Variants in RANGAP1 observed in about 807,000 individuals in gnomAD.
RANGAP1 encodes the protein Ran GTPase activating protein 1, also known as ran GTPase-activating protein 1.
RANGAP1 carries 38 observed loss-of-function variants against 63.5 expected under a neutral mutation model. That is an observed-to-expected ratio of 0.60 (90% CI 0.46 to 0.78). The LOEUF is 0.78. RANGAP1 is among the 30% of genes least tolerant of loss of function. RANGAP1 has a pLI of 0.00. For missense variants in RANGAP1, 630 were observed against 740.3 expected (o/e 0.85, Z 1.73); for synonymous variants, 329 against 310.5 (o/e 1.06, Z -0.63).
chr22:41,277,518 G>A (rs1349041876), intron 2 of RANGAP1: 1 of 1,195,416 alleles, frequency 8.4e-7, no homozygotes, highest in South Asian at 1.3e-5. Context: ...ATGGAGTAGG[G>A]TGACATGTGG....
At chr22:41,284,988 G>C (rs931592652) in intron 1 of RANGAP1, 1 of 152,068 alleles carries the variant, frequency 6.6e-6, no homozygotes, top group African/African-American at 2.4e-5. Flanking sequence ...ATGAGACCCT[G>C]TCTCCACAGA....
At chr22:41,273,391 C>T (rs1056033911) in intron 3 of RANGAP1, among the ~76,000 whole-genome samples, 3 of 152,160 alleles carry the variant, frequency 2.0e-5, no homozygotes, top group Non-Finnish European at 4.4e-5. Flanking sequence ...TTTAGGAGAA[C>T]CTGTTTGGGG....
At chr22:41,267,911 G>A (rs1344982970) in intron 4 of RANGAP1, among the ~76,000 whole-genome samples, 186 bp downstream of exon 4, 1 of 152,136 alleles carries the variant, frequency 6.6e-6, no homozygotes, top group African/African-American at 2.4e-5. Flanking sequence ...GTCAGTCTCT[G>A]TGCTCCCACC....
At chr22:41,247,447 G>A (rs945715284) in intron 15 of RANGAP1, among the ~76,000 whole-genome samples, 22 of 151,980 alleles carry the variant, frequency 1.4e-4, no homozygotes, top group Non-Finnish European at 3.1e-4. Context: ...GACTTCCCAG[G>A]CTCAGGTGGT....
intron 4 of RANGAP1, 52 bp from the exon 5 acceptor site, chr22:41,264,895 T>TGGGTGCTGCTTCTGTGCC: frequency 6.5e-7 from 1 of 1,549,324 alleles, no homozygotes; most frequent in Non-Finnish European, 8.8e-7. Context: ...GCTTCTGTGC[T>TGGGTGCTGCTTCTGTGCC]GGGTGCTGCT....
Position 41,252,972 on chromosome 22 carries a change from G to A in RANGAP1, c.1280C>T (p.Ser427Phe), listed in dbSNP as rs763589677. 2.0e-6 allele frequency: 3 copies of A among 1,523,208 alleles called. No homozygotes were observed. The Admixed American group carries it at 6.8e-5, about 34-fold the overall frequency. The allele number at this position is 1,523,208 out of a possible 1,614,324, so 94.4% of individuals were successfully genotyped here. The stretch of plus-strand genomic sequence containing the variant: ...GGAGACGTCTGCAGGAGGTGGGGAG[G>A]ACAGCACGGGAGCTGGCTCCTGGGA... Reference protein sequence around the residue: ...PNTGEPAPVLSSPPPADVSTF... With the variant: ...PNTGEPAPVLFSPPPADVSTF... Residue 427 changes from serine to phenylalanine, a missense_variant, in exon 12 of 16, where the codon TCC (serine) becomes TTC (phenylalanine). Ser to Phe is a radical substitution (Grantham distance 155). This residue lies in a region of RANGAP1 where 428 missense variants were observed against 465.5 expected (regional missense o/e 0.92). Coordinates refer to ENST00000356244, the MANE Select transcript of RANGAP1 (RefSeq NM_002883.4).
At position 41,246,019 on chromosome 22, in the gene RANGAP1, C is replaced by A. The variant is rs1334805012; in HGVS notation, c.*584G>T. 6.5e-6 allele frequency: 1 copy of A among 153,642 alleles called. No individual in the cohort carries two copies. The highest frequency in any genetic ancestry group is 1.4e-5 in the Non-Finnish European group (1 of 69,150). The allele number at this position is 153,642 out of a possible 1,614,324, so 9.5% of individuals were successfully genotyped here. A position where few individuals can be genotyped will look rare whatever the true frequency, so the allele number is the denominator to read the frequency against. ...GGGTTGCCCTCTGCCAACAACCCCA[C>A]GATCCGACCCCCACAGTCCCACCCA... On this transcript the variant is annotated 3_prime_UTR_variant, in exon 16 of 16. Coordinates refer to ENST00000356244, the MANE Select transcript of RANGAP1 (RefSeq NM_002883.4).
intron 1 of RANGAP1, among the ~76,000 whole-genome samples, chr22:41,283,104 G>T (rs569088723): frequency 6.6e-6 from 1 of 151,928 alleles, no homozygotes; most frequent in South Asian, 2.1e-4. Flanking sequence ...TTACTACTGT[G>T]TGCTGGATGT....
intron 10 of RANGAP1, among the ~76,000 whole-genome samples, chr22:41,255,537 C>G (rs1466559423): frequency 6.7e-6 from 1 of 149,338 alleles, no homozygotes; most frequent in Non-Finnish European, 1.5e-5. Flanking sequence ...CCCCACCTCC[C>G]ACCCCCATCA....
At chr22:41,255,358 G>A (rs2074668485) in intron 10 of RANGAP1, among the ~76,000 whole-genome samples, 1 of 152,150 alleles carries the variant, frequency 6.6e-6, no homozygotes, top group African/African-American at 2.4e-5. Flanking sequence ...GGAGATGCGA[G>A]GGGCACAGGG....
chr22:41,271,017 C>A (rs534166882), intron 3 of RANGAP1, among the ~76,000 whole-genome samples: 10 of 152,186 alleles, frequency 6.6e-5, no homozygotes, highest in Non-Finnish European at 1.5e-4. Flanking sequence ...ATCACTCCCC[C>A]TCTCCAGCCT....
At chr22:41,294,368 G>A in the RANGAP1 span, among the ~76,000 whole-genome samples, 1 of 152,196 alleles carries the variant, frequency 6.6e-6, no homozygotes, top group East Asian at 1.9e-4. Context: ...ATGGTGCCAA[G>A]GCTGGAGTGC....
At chr22:41,299,807 A>G in the RANGAP1 span, among the ~76,000 whole-genome samples, 5 of 151,074 alleles carry the variant, frequency 3.3e-5, no homozygotes, top group Non-Finnish European at 5.9e-5. Flanking sequence ...GCTGGAGTGC[A>G]GTGGCATGAT....
chr22:41,277,563 G>C (rs1444505095), intron 2 of RANGAP1: 1 of 1,121,994 alleles, frequency 8.9e-7, no homozygotes, highest in South Asian at 1.4e-5. Context: ...GGGAGATAAA[G>C]TTTGAACTTG....
the RANGAP1 span, among the ~76,000 whole-genome samples, chr22:41,292,441 C>A: frequency 6.6e-6 from 1 of 152,060 alleles, no homozygotes; most frequent in African/African-American, 2.4e-5. Flanking sequence ...TGAGTCACTG[C>A]ACCTGGCCTT....
the RANGAP1 span, among the ~76,000 whole-genome samples, chr22:41,295,380 T>C: frequency 6.6e-6 from 1 of 152,134 alleles, no homozygotes; most frequent in South Asian, 2.1e-4. Flanking sequence ...CTTGGGATCC[T>C]GTTGATCTGT....
At chr22:41,270,767 C>T (rs1423930286) in intron 3 of RANGAP1, among the ~76,000 whole-genome samples, 1 of 152,152 alleles carries the variant, frequency 6.6e-6, no homozygotes, top group African/African-American at 2.4e-5. Flanking sequence ...AGACCATGAA[C>T]ACACCTGGGG....
rs1569190146 is a variant in RANGAP1 at position 41,264,606 on chromosome 22, T to C, written c.480+58A>G. On this transcript the variant is annotated intron_variant, in intron 5 of 15. Transcript: ENST00000356244. ...TGGTGGCCAAGGGCCAGGGCACATATGTCAGACGGATGTGGATGGACCAGG... is the reference window on the plus strand; with the variant it reads ...TGGTGGCCAAGGGCCAGGGCACATACGTCAGACGGATGTGGATGGACCAGG... 6 of 1,549,966 alleles carry C rather than the reference T, an allele frequency of 3.9e-6. No individual in the cohort carries two copies. The East Asian group carries it at 9.2e-5, about 24-fold the overall frequency.
intron 15 of RANGAP1, among the ~76,000 whole-genome samples, chr22:41,248,541 C>T (rs2145669550): frequency 6.6e-6 from 1 of 152,360 alleles, no homozygotes; most frequent in African/African-American, 2.4e-5. Context: ...CTTCCTTGCT[C>T]CTCTGCCTGC....
Sources: gnomAD v4.1 joint callset for allele counts (sites outside exome capture counted in the v4.1 genomes callset) on GRCh38, gnomAD v4.1.1 for gene constraint, gnomAD v4.1.1 regional missense constraint, MANE v1.5 for transcripts, NCBI Gene and HGNC (gene_info 2026-07-23, HGNC 2026-07-21) for gene names.